OR6P1: variants seen among roughly 807,000 people sequenced by gnomAD.
The protein encoded by OR6P1 is olfactory receptor family 6 subfamily P member 1, also known as olfactory receptor 6P1.
OR6P1 carries 5 observed loss-of-function variants against 6.6 expected under a neutral mutation model. The ratio of observed to expected loss-of-function variants is 0.76; its 90% confidence interval spans 0.40 to 1.60. The LOEUF (loss-of-function observed/expected upper bound fraction) is 1.60, where lower values mean the gene tolerates loss of function less well. Ranked by LOEUF, OR6P1 falls within the 40% of genes most tolerant of loss-of-function variation. The probability of loss-of-function intolerance (pLI) is 0.02; values close to 1 mark genes in which losing one functional copy is unlikely to be tolerated. For missense variants in OR6P1, 451 were observed against 383.0 expected (o/e 1.18, Z -1.48); for synonymous variants, 177 against 149.6 (o/e 1.18, Z -1.33).
Position 158,563,299 on chromosome 1 carries a change from GT to G in OR6P1, c.305del (p.Tyr102SerfsTer6). ...VSYVGCMTQL[Y>X]FFIALACTEC... ...CAGTACAGGCTAAGGCAATAAAGAA[GT>G]ACAGTTGGGTCATGCAACCTACGTA... On this transcript the variant is annotated frameshift_variant, in exon 3 of 3. Transcript: ENST00000641540. LOFTEE classifies it high-confidence loss of function. 1.3e-5 allele frequency: 20 copies of G among 1,551,486 alleles called. No homozygotes were observed. The highest frequency in any genetic ancestry group is 1.7e-5 in the Non-Finnish European group (20 of 1,146,968).
Position 158,562,478 on chromosome 1 carries a change from C to T in OR6P1, c.*173G>A, listed in dbSNP as rs1042077765. ...GCTAGTCCAACCTTAGTTTGAAAAC[C>T]CCTGTAAAAAATAAATGATTCATAA... On this transcript the variant is annotated 3_prime_UTR_variant, in exon 3 of 3. Coordinates refer to ENST00000641540, the MANE Select transcript of OR6P1 (RefSeq NM_001160325.2). 8 of 579,378 alleles carry T rather than the reference C, an allele frequency of 1.4e-5. No homozygotes were observed. The highest frequency in any genetic ancestry group is 5.7e-5 in the East Asian group (2 of 34,798). The allele number at this position is 579,378 out of a possible 1,614,324, so 35.9% of individuals were successfully genotyped here.
At chr1:158,567,211 T>A (rs1648117697) in intron 1 of OR6P1, among the ~76,000 whole-genome samples, 2 of 151,934 alleles carry the variant, frequency 1.3e-5, no homozygotes, top group Non-Finnish European at 2.9e-5. Flanking sequence ...GTAAACTAGT[T>A]CAACCATTGT....
At chr1:158,565,665 A>G (rs774043472) in intron 2 of OR6P1, among the ~76,000 whole-genome samples, 1 of 152,188 alleles carries the variant, frequency 6.6e-6, no homozygotes, top group Non-Finnish European at 1.5e-5. Context: ...CTATCTCATA[A>G]TAATGTATAT....
Position 158,563,628 on chromosome 1 carries a change from T to A in OR6P1, c.-22-2A>T. 1.4e-6 allele frequency: 2 copies of A among 1,407,980 alleles called. No homozygotes were observed. The highest frequency in any genetic ancestry group is 9.6e-7 in the Non-Finnish European group (1 of 1,037,590). The allele number at this position is 1,407,980 out of a possible 1,614,324, so 87.2% of individuals were successfully genotyped here. ...ATGGCTCTCTGTCCACTTGAGTGCC[T>A]AAAATAAATCACAGGAAGAACAAGA... On this transcript the variant is annotated splice_acceptor_variant, in intron 2 of 2. Coordinates refer to ENST00000641540, the MANE Select transcript of OR6P1 (RefSeq NM_001160325.2). LOFTEE classifies it low-confidence loss of function (5UTR_SPLICE).
At chr1:158,566,138 A>T (rs970667312) in intron 2 of OR6P1, among the ~76,000 whole-genome samples, 3 of 152,222 alleles carry the variant, frequency 2.0e-5, no homozygotes, top group African/African-American at 7.2e-5. Flanking sequence ...TGTTAAAAAA[A>T]AATTAAAGAG....
chr1:158,562,212 T>C lies in OR6P1; in HGVS notation c.*439A>G, dbSNP rs1557899433. The C allele has an allele frequency of 6.4e-6, 1 of 156,768 alleles. No individual in the cohort carries two copies. The highest frequency in any genetic ancestry group is 6.5e-5 in the Admixed American group (1 of 15,404). The allele number at this position is 156,768 out of a possible 1,614,324, so 9.7% of individuals were successfully genotyped here. A position where few individuals can be genotyped will look rare whatever the true frequency, so the allele number is the denominator to read the frequency against. On this transcript the variant is annotated 3_prime_UTR_variant, in exon 3 of 3. Transcript: ENST00000641540. ...ATTGTTACACTGAAGTCTACCAAAT[T>C]TTTTTCTTGGCATGTCCACCAGTAA...
At chr1:158,565,049 T>C (rs1306632593) in intron 2 of OR6P1, among the ~76,000 whole-genome samples, 1 of 152,226 alleles carries the variant, frequency 6.6e-6, no homozygotes, top group Admixed American at 6.5e-5. Flanking sequence ...TAGTTTTAAC[T>C]TGACATCAAA....
Position 158,561,580 on chromosome 1 carries a change from C to G in OR6P1, c.*1071G>C, listed in dbSNP as rs1050497755. ...TTCACATATCCCACATCTAAATAAT[C>G]ATTGAATTTGGTTCAATATGCAGAA... On this transcript the variant is annotated 3_prime_UTR_variant, in exon 3 of 3. Transcript: ENST00000641540. 6.6e-6 allele frequency: 1 copy of G among 152,150 alleles called. No individual in the cohort carries two copies. Among genetic ancestry groups the G allele is most frequent in the African/African-American group, 2.4e-5 (1 of 41,440 alleles). The allele number at this position is 152,150 out of a possible 1,614,324, so 9.4% of individuals were successfully genotyped here.
rs1311236675 is a variant in OR6P1 at position 158,563,100 on chromosome 1, A to G, written c.505T>C (p.Cys169Arg). ...AAGTGGTTGATAATGTTGGGTCCAC[A>G]GTAGGACAATTGGGAAATAAAAAGA... ...KLLFISQLSY[C>R]GPNIINHFFC... Residue 169 changes from cysteine to arginine, a missense_variant, in exon 3 of 3, where the codon TGT becomes CGT. Coordinates refer to ENST00000641540, the MANE Select transcript of OR6P1 (RefSeq NM_001160325.2). The G allele has an allele frequency of 6.4e-7, 1 of 1,551,898 alleles. No individual in the cohort carries two copies. Among genetic ancestry groups the G allele is most frequent in the Non-Finnish European group, 8.7e-7 (1 of 1,147,042 alleles).
At chr1:158,565,126 T>C (rs1648064393) in intron 2 of OR6P1, among the ~76,000 whole-genome samples, 1 of 152,214 alleles carries the variant, frequency 6.6e-6, no homozygotes, top group African/African-American at 2.4e-5. Flanking sequence ...GGACTCAAAC[T>C]CCTGGGCTCA....
At position 158,564,433 on chromosome 1, in the gene OR6P1, A is replaced by G. The variant is rs371843863; in HGVS notation, c.-22-807T>C. Among the ~76,000 whole-genome samples the G allele has an allele frequency of 8.5e-5, 13 of 152,298 alleles. No homozygotes were observed. In the South Asian group the frequency reaches 2.5e-3, roughly 29 times the overall value. On this transcript the variant is annotated intron_variant, in intron 2 of 2. Transcript: ENST00000641540. ...CCTGGATTTTCTAGGTGGGCCTTAA[A>G]TACAATGAAAAAGGTCTTTACAAGA...
chr1:158,565,357 A>C (rs1648071079), intron 2 of OR6P1, among the ~76,000 whole-genome samples: 1 of 152,210 alleles, frequency 6.6e-6, no homozygotes, highest in Non-Finnish European at 1.5e-5. Context: ...ATACTTGTTT[A>C]AACAAGTACA....
rs528582983 is a variant in OR6P1 at position 158,561,928 on chromosome 1, T to C, written c.*723A>G. 6.6e-6 allele frequency: 1 copy of C among 152,394 alleles called. No individual in the cohort carries two copies. Among genetic ancestry groups the C allele is most frequent in the East Asian group, 1.9e-4 (1 of 5,194 alleles). The allele number at this position is 152,394 out of a possible 1,614,324, so 9.4% of individuals were successfully genotyped here. A position where few individuals can be genotyped will look rare whatever the true frequency, so the allele number is the denominator to read the frequency against. On this transcript the variant is annotated 3_prime_UTR_variant, in exon 3 of 3. Coordinates refer to ENST00000641540, the MANE Select transcript of OR6P1 (RefSeq NM_001160325.2). The stretch of plus-strand genomic sequence containing the variant: ...ATCTGTATATAAGCTTTCTAGAACA[T>C]TTTACCTACTACCTGGTCAATATTT...
At chr1:158,566,499 G>A (rs1336777309) in intron 2 of OR6P1, among the ~76,000 whole-genome samples, 1 of 152,144 alleles carries the variant, frequency 6.6e-6, no homozygotes, top group Non-Finnish European at 1.5e-5. Context: ...GAATTGAGAT[G>A]CTAAGGCAGA....
chr1:158,563,441 A>C lies in OR6P1; in HGVS notation c.164T>G (p.Leu55Arg). The change falls in exon 3 of 3, where the codon CTT becomes CGT. Residue 55 changes from leucine to arginine, a missense_variant. By Grantham distance (102) the Leu-to-Arg change is moderately radical (BLOSUM62 -2). Coordinates refer to ENST00000641540, the MANE Select transcript of OR6P1 (RefSeq NM_001160325.2). ...IVFTIWLAPS[L>R]HRPMYFFLGH... ...AAGGAAAAAGTACATGGGACGATGA[A>C]GGCTTGGAGCAAGCCATATTGTGAA... 1 of 1,551,228 alleles carries C rather than the reference A, an allele frequency of 6.4e-7. No individual in the cohort carries two copies. Among genetic ancestry groups the C allele is most frequent in the Non-Finnish European group, 8.7e-7 (1 of 1,146,794 alleles).
intron 2 of OR6P1, among the ~76,000 whole-genome samples, chr1:158,564,096 C>G (rs1014854535): frequency 1.3e-5 from 2 of 152,142 alleles, no homozygotes; most frequent in African/African-American, 2.4e-5. Context: ...AACTATAATG[C>G]AAGGCAACAC....
rs938614486 is a variant in OR6P1 at position 158,563,175 on chromosome 1, G to A, written c.430C>T (p.Leu144Phe). ...CCACTGCCCCAAGAGGCAGCAGCAA[G>A]GCGAGTGGCCAGACTGGAAGGCATG... is the stretch of plus-strand genomic sequence containing the variant. ...SLMPSSLATR[L>F]AAASWGSGFF... Residue 144 changes from leucine to phenylalanine, a missense_variant, in exon 3 of 3, where the codon CTT (leucine) becomes TTT (phenylalanine). By Grantham distance (22) the Leu-to-Phe change is conservative. Transcript: ENST00000641540. The A allele has an allele frequency of 2.6e-6, 4 of 1,551,544 alleles. No homozygotes were observed. Among genetic ancestry groups the A allele is most frequent in the Admixed American group, 2.0e-5 (1 of 50,904 alleles).
At position 158,562,798 on chromosome 1, in the gene OR6P1, G is replaced by A; in HGVS notation, c.807C>T (p.Asn269=). The change falls in exon 3 of 3, where the codon AAC becomes AAT. Residue 269 remains asparagine, a synonymous_variant. Transcript: ENST00000641540. ...YARPRAMYTF[N]HNKIISVLYT... ...AGAGCACAGAGATAATCTTGTTGTGGTTGAAGGTGTACATGGCCCGGGGCC... is the reference window on the plus strand; with the variant it reads ...AGAGCACAGAGATAATCTTGTTGTGATTGAAGGTGTACATGGCCCGGGGCC... 6.4e-7 allele frequency: 1 copy of A among 1,552,264 alleles called. No individual in the cohort carries two copies. The highest frequency in any genetic ancestry group is 2.4e-5 in the East Asian group (1 of 40,904).
At chr1:158,565,338 T>C (rs1648070568) in intron 2 of OR6P1, among the ~76,000 whole-genome samples, 1 of 152,348 alleles carries the variant, frequency 6.6e-6, no homozygotes, top group Middle Eastern at 3.4e-3. Context: ...ATGGTAATGA[T>C]ATCCACTGAT....
Sources: allele counts gnomAD v4.1 joint callset (sites outside exome capture counted in the v4.1 genomes callset), GRCh38; gene constraint gnomAD v4.1.1; transcripts MANE v1.5; gene names NCBI Gene and HGNC (gene_info 2026-07-23, HGNC 2026-07-21).